The following CACNA1E variants were observed in gnomAD, a reference collection of about 807,000 sequenced individuals.
CACNA1E encodes the protein calcium voltage-gated channel subunit alpha1 E.
CACNA1E carries 40 observed loss-of-function variants against 259.2 expected under a neutral mutation model. The ratio of observed to expected loss-of-function variants is 0.15; its 90% CI spans 0.12 to 0.20. CACNA1E has a LOEUF of 0.20. CACNA1E is among the 10% of genes least tolerant of loss of function. The pLI, the probability that CACNA1E is intolerant of heterozygous loss-of-function variation, is 1.00. For synonymous variants in CACNA1E, 1,104 were observed against 1,138.5 expected (o/e 0.97, Z 0.61); for missense variants, 1,874 against 3,040.1 (o/e 0.62, Z 9.02).
intron 25 of CACNA1E, among the ~76,000 whole-genome samples, chr1:181,747,450 ATTTTTTTT>A (rs60393528): frequency 8.1e-6 from 1 of 122,874 alleles, no homozygotes; most frequent in Non-Finnish European, 1.7e-5. Flanking sequence ...AAAATCTGTC[ATTTTTTTT>A]TTTTTTTTTT....
rs142127375 is a variant in CACNA1E at position 181,527,079 on chromosome 1, C to A, written c.512+15569C>A. ...GGATTATGCTAGCTTCTAGAACATA[C>A]TAAATCTTGAGTTAATTTCTTAGTC... On this transcript the variant is annotated intron_variant, in intron 3 of 47. Coordinates refer to ENST00000367573, the MANE Select transcript of CACNA1E (RefSeq NM_001205293.3). 2.6e-5 allele frequency among the ~76,000 whole-genome samples: 4 copies of A among 152,318 alleles called. No homozygotes were observed. In the East Asian group the frequency reaches 7.7e-4, roughly 29 times the overall value.
intron 18 of CACNA1E, 30 bp from the exon 19 acceptor site, chr1:181,731,145 G>A: frequency 1.3e-6 from 2 of 1,599,296 alleles, no homozygotes; most frequent in Non-Finnish European, 1.7e-6. Flanking sequence ...AGGTTGGGGT[G>A]AACTGAACCT....
intron 27 of CACNA1E, among the ~76,000 whole-genome samples, chr1:181,754,456 A>G (rs1657888659): frequency 6.6e-6 from 1 of 152,166 alleles, no homozygotes; most frequent in African/African-American, 2.4e-5. Flanking sequence ...CTAGAAAATA[A>G]CCTGAAAATG....
intron 7 of CACNA1E, among the ~76,000 whole-genome samples, chr1:181,677,017 C>G (rs527539097): frequency 1.7e-4 from 26 of 152,078 alleles, no homozygotes; most frequent in Non-Finnish European, 2.9e-4. Flanking sequence ...TGGCTGTGCT[C>G]CTCTCAGCTT....
intron 7 of CACNA1E, among the ~76,000 whole-genome samples, chr1:181,675,384 C>T (rs1649264810): frequency 6.6e-6 from 1 of 152,100 alleles, no homozygotes; most frequent in South Asian, 2.1e-4. Flanking sequence ...ACATGCTGTG[C>T]TAAGAGCGTG....
At chr1:181,384,086 G>C (rs761264587) in intron 1 of CACNA1E, among the ~76,000 whole-genome samples, 11 of 152,160 alleles carry the variant, frequency 7.2e-5, no homozygotes, top group Non-Finnish European at 1.5e-5. Context: ...ACTGCCCTAC[G>C]TGGGTATGGC....
chr1:181,730,012 G>T (rs972729984), intron 18 of CACNA1E, among the ~76,000 whole-genome samples: 1 of 152,158 alleles, frequency 6.6e-6, no homozygotes, highest in South Asian at 2.1e-4. Flanking sequence ...GAGCTCACAG[G>T]CTTCTCCACA....
chr1:181,427,141 C>T (rs1319373197), intron 2 of CACNA1E, among the ~76,000 whole-genome samples: 1 of 151,726 alleles, frequency 6.6e-6, no homozygotes, highest in Non-Finnish European at 1.5e-5. Flanking sequence ...CCCAACTTGA[C>T]CCTTCAACAT....
rs111776837 is a variant in CACNA1E, at chr1:181,748,456, G to A, written c.3720-2020G>A. On this transcript the variant is annotated intron_variant, in intron 25 of 47. Coordinates refer to ENST00000367573, the MANE Select transcript of CACNA1E (RefSeq NM_001205293.3). The stretch of plus-strand genomic sequence containing the variant: ...GGAGCAGGAAATATTGGGCCCTCCC[G>A]CAGAAGACGCATGTCTATGAGCATG... Among the ~76,000 whole-genome samples the A allele has an allele frequency of 4.7e-3, 722 of 152,224 alleles. 12 individuals are homozygous for A. Among genetic ancestry groups the A allele is most frequent in the African/African-American group, 0.017 (686 of 41,534 alleles).
At chr1:181,432,672 G>A (rs930685528) in intron 2 of CACNA1E, among the ~76,000 whole-genome samples, 7 of 152,144 alleles carry the variant, frequency 4.6e-5, no homozygotes, top group Admixed American at 6.5e-5. Context: ...TGGATAGGGT[G>A]GTGGGAAGTC....
chr1:181,619,357 T>G (rs1468656846), intron 6 of CACNA1E, among the ~76,000 whole-genome samples: 2 of 152,070 alleles, frequency 1.3e-5, no homozygotes, highest in African/African-American at 4.8e-5. Flanking sequence ...GTGAAGGCCC[T>G]GAGGAAGGAG....
chr1:181,458,197 G>A (rs752765425), intron 2 of CACNA1E, among the ~76,000 whole-genome samples: 21 of 152,140 alleles, frequency 1.4e-4, no homozygotes, highest in Non-Finnish European at 2.2e-4. Context: ...GCTAGGGGTC[G>A]TCTCCAGTTG....
chr1:181,728,332 G>T (rs140507536), intron 18 of CACNA1E, among the ~76,000 whole-genome samples: 1 of 152,294 alleles, frequency 6.6e-6, no homozygotes, highest in East Asian at 1.9e-4. Context: ...AAGAATGAAT[G>T]AAATGTGGGT....
intron 1 of CACNA1E, among the ~76,000 whole-genome samples, chr1:181,510,274 G>A (rs1666055737): frequency 6.6e-6 from 1 of 152,160 alleles, no homozygotes; most frequent in Non-Finnish European, 1.5e-5. Context: ...CAGAGACCAG[G>A]CACAAATGTT....
In CACNA1E at chr1:181,715,935, C is replaced by T. The variant is rs1245466887; in HGVS notation, c.1226-105C>T. 35 of 712,388 alleles carry T rather than the reference C, an allele frequency of 4.9e-5. No homozygotes were observed. In the Admixed American group the frequency reaches 7.4e-4, roughly 15 times the overall value. The allele number at this position is 712,388 out of a possible 1,614,324, so 44.1% of individuals were successfully genotyped here. ...TAAAGGCAGATAGATGCCTGTGTTACAGGGGCCTCACACAAGGCATCTTGC... is the reference window on the plus strand; with the variant it reads ...TAAAGGCAGATAGATGCCTGTGTTATAGGGGCCTCACACAAGGCATCTTGC... On this transcript the variant is annotated intron_variant, in intron 9 of 47. Transcript: ENST00000367573.
At position 181,573,131 on chromosome 1, in the gene CACNA1E, G is replaced by T. The variant is rs150576325; in HGVS notation, c.513-4635G>T. ...TTTAATTTTTTCTGAGCTTTGGCTT[G>T]CTCTTTTATGAGATGGAGACAATAG... On this transcript the variant is annotated intron_variant, in intron 3 of 47. Transcript: ENST00000367573. 1.8e-3 allele frequency among the ~76,000 whole-genome samples: 277 copies of T among 152,196 alleles called. 1 individual carries two copies. The highest frequency in any genetic ancestry group is 5.9e-3 in the African/African-American group (243 of 41,532).
At chr1:181,710,050 T>C (rs554119094) in intron 7 of CACNA1E, among the ~76,000 whole-genome samples, 1 of 152,314 alleles carries the variant, frequency 6.6e-6, no homozygotes. Flanking sequence ...TCCTCTTCTC[T>C]TCTCTTTCTC....
rs376687597 is a variant in CACNA1E at position 181,791,238 on chromosome 1, A to G, written c.5898+682A>G. Among the ~76,000 whole-genome samples, 15 of 152,324 alleles carry G rather than the reference A, an allele frequency of 9.8e-5. No individual in the cohort carries two copies. The East Asian group carries it at 2.3e-3, about 24-fold the overall frequency. ...TGTAATCCCAGTACTTTGGGAGGCC[A>G]AGGCGGGCAGATCATGAGGTCAGGA... On this transcript the variant is annotated intron_variant, in intron 44 of 47. Transcript: ENST00000367573.
Position 181,725,934 on chromosome 1 carries a change from T to C in CACNA1E, c.2143-131T>C, listed in dbSNP as rs111644624. On this transcript the variant is annotated intron_variant, in intron 17 of 47. Transcript: ENST00000367573. ...TCTGAGCCAACCTAACATCTCGCTG[T>C]CTTGTTTATCCTCTTCCTGTGTCTT... 8.8e-3 allele frequency: 5,363 copies of C among 608,592 alleles called. 209 individuals carry two copies. In the African/African-American group the frequency reaches 0.088, roughly 10 times the overall value. 37.7% of individuals were successfully genotyped at this position (608,592 alleles called of 1,614,324 possible). A position where few individuals can be genotyped will look rare whatever the true frequency, so the allele number is the denominator to read the frequency against.
Sources: allele counts gnomAD v4.1 joint callset (sites outside exome capture counted in the v4.1 genomes callset), GRCh38; gene constraint gnomAD v4.1.1; transcripts MANE v1.5; gene names NCBI Gene and HGNC (gene_info 2026-07-23, HGNC 2026-07-21).